Variants in LOXHD1 observed in about 807,000 individuals in gnomAD.
LOXHD1 encodes lipoxygenase homology PLAT domains 1, also known as lipoxygenase homology domain-containing protein 1.
In LOXHD1, 205 loss-of-function variants were observed where a neutral mutation model predicts 248.2. The observed-to-expected ratio is 0.83, with a 90% CI of 0.74 to 0.93. The LOEUF is 0.93. Ranked by LOEUF, LOXHD1 falls within the 40% of genes least tolerant of loss-of-function variation. LOXHD1 has a pLI of 0.00. For synonymous variants in LOXHD1, 1,113 were observed against 1,162.8 expected (o/e 0.96, Z 0.87); for missense variants, 2,930 against 2,971.6 (o/e 0.99, Z 0.33).
chr18:46,607,981 T>C (rs1027630462), intron 6 of LOXHD1, among the ~76,000 whole-genome samples: 15 of 131,750 alleles, frequency 1.1e-4, no homozygotes, highest in African/African-American at 3.8e-4. Context: ...GCCCATCAGA[T>C]AGAAAACACA....
chr18:46,518,204 T>C lies in LOXHD1; in HGVS notation c.5324A>G (p.Asp1775Gly). The change falls in exon 34 of 41, where the codon GAC becomes GGC. Residue 1775 changes from aspartate to glycine, a missense_variant. By Grantham distance (94) the Asp-to-Gly change is moderately conservative. Coordinates refer to ENST00000642948, the MANE Select transcript of LOXHD1 (RefSeq NM_001384474.1). ...WTGDVVGGGT[D>G]SNIFMTLYGI... Reference sequence around the variant, plus strand: ...GTAGAGGGTCATGAAGATGTTGGAGTCAGTGCCCCCGCCAACCACATCCCC... The same window carrying C: ...GTAGAGGGTCATGAAGATGTTGGAGCCAGTGCCCCCGCCAACCACATCCCC... 1 of 1,551,502 alleles carries C rather than the reference T, an allele frequency of 6.4e-7. No homozygotes were observed. The highest frequency in any genetic ancestry group is 8.7e-7 in the Non-Finnish European group (1 of 1,146,960).
At chr18:46,642,282 GCA>G (rs1452587213) in intron 2 of LOXHD1, among the ~76,000 whole-genome samples, 4 of 152,226 alleles carry the variant, frequency 2.6e-5, no homozygotes, top group Non-Finnish European at 4.4e-5. Context: ...ACTAAAACAA[GCA>G]CACAGACAAT....
At chr18:46,549,085 T>C (rs1035046187) in intron 21 of LOXHD1, among the ~76,000 whole-genome samples, 24 of 152,194 alleles carry the variant, frequency 1.6e-4, no homozygotes, top group Non-Finnish European at 2.6e-4. Flanking sequence ...CCAGGCCTAC[T>C]GACCCCTGCC....
At position 46,594,327 on chromosome 18, in the gene LOXHD1, T is replaced by G. The variant is rs2038223798; in HGVS notation, c.1270+4A>C. ...CCTCCAGGTTCTGGGTCTCTCTCACTTACTTTTCAGCCGCTTCTTCCTGAG... is the reference window on the plus strand; with the variant it reads ...CCTCCAGGTTCTGGGTCTCTCTCACGTACTTTTCAGCCGCTTCTTCCTGAG... On this transcript the variant is annotated splice_donor_region_variant and intron_variant, in intron 9 of 40. Transcript: ENST00000642948. 1 of 1,551,490 alleles carries G rather than the reference T, an allele frequency of 6.4e-7. No homozygotes were observed. Among genetic ancestry groups the G allele is most frequent in the Admixed American group, 2.0e-5 (1 of 50,990 alleles).
In LOXHD1 at chr18:46,577,841, G is replaced by A. The variant is rs373931588; in HGVS notation, c.1836C>T (p.Val612=). The A allele has an allele frequency of 6.4e-6, 10 of 1,551,706 alleles. No homozygotes were observed. Among genetic ancestry groups the A allele is most frequent in the East Asian group, 2.4e-5 (1 of 40,914 alleles). Reference sequence around the variant, plus strand: ...TCACCCGCCTCACATTCCGCATGGTGACAGACTCGATAGTGAACTCGTCAG... The same window carrying A: ...TCACCCGCCTCACATTCCGCATGGTAACAGACTCGATAGTGAACTCGTCAG... ...GNADEFTIES[V]TMRNVRRVRI... is the part of the protein sequence containing the mutation. Residue 612 remains valine (V), a synonymous_variant, in exon 14 of 41, where the codon GTC becomes GTT. Transcript: ENST00000642948.
At chr18:46,506,120 G>A in intron 36 of LOXHD1, 97 bp from the exon 37 acceptor site, 1 of 1,344,964 alleles carries the variant, frequency 7.4e-7, no homozygotes, top group Admixed American at 2.1e-5. Flanking sequence ...AGGAGTCAGG[G>A]GTACAGGTGG....
chr18:46,477,611 T>TA lies in LOXHD1; in HGVS notation c.6682dup (p.Tyr2228LeufsTer50). The stretch of plus-strand genomic sequence containing the variant: ...CTTCTCCACCAGCCAGCCTGAGCAG[T>TA]AGCCACTGCTGTCGTGCTCCAGGCG... On this transcript the variant is annotated frameshift_variant, in exon 41 of 41. Coordinates refer to ENST00000642948, the MANE Select transcript of LOXHD1 (RefSeq NM_001384474.1). LOFTEE classifies it high-confidence loss of function. The TA allele has an allele frequency of 6.4e-7, 1 of 1,551,754 alleles. No homozygotes were observed.
intron 4 of LOXHD1, among the ~76,000 whole-genome samples, chr18:46,621,817 T>A (rs1599055964): frequency 6.6e-6 from 1 of 152,214 alleles, no homozygotes; most frequent in Non-Finnish European, 1.5e-5. Flanking sequence ...ATAATTCCCA[T>A]GTGAGCCAAA....
chr18:46,562,057 C>G (rs2037540226), intron 18 of LOXHD1, among the ~76,000 whole-genome samples: 1 of 152,228 alleles, frequency 6.6e-6, no homozygotes, highest in South Asian at 2.1e-4. Context: ...GACTCTTGAT[C>G]ATTACAGGGA....
intron 19 of LOXHD1, 31 bp downstream of exon 19, chr18:46,560,052 T>TCCCCAC: frequency 4.5e-6 from 2 of 441,130 alleles, no homozygotes; most frequent in Non-Finnish European, 7.2e-6. Context: ...GGCCACTCCC[T>TCCCCAC]CCCCACCCCC....
chr18:46,533,212 T>C lies in LOXHD1; in HGVS notation c.4325A>G (p.Lys1442Arg). 1 of 1,551,744 alleles carries C rather than the reference T, an allele frequency of 6.4e-7. No homozygotes were observed. The highest frequency in any genetic ancestry group is 8.7e-7 in the Non-Finnish European group (1 of 1,147,012). ...PYDIFTEKYM[K>R]DGSLRQVYKE... ...GTAGACTTGCCGTAAGGACCCATCT[T>C]TCATGTATTTCTCAGTGAAGATGTC... Residue 1442 changes from lysine to arginine, a missense_variant, in exon 28 of 41, where the codon AAA becomes AGA. Physicochemically the swap from Lys to Arg is conservative, Grantham distance 26. Transcript: ENST00000642948.
Position 46,524,597 on chromosome 18 carries a change from T to TA in LOXHD1, c.4744dup (p.Tyr1582LeufsTer14). On this transcript the variant is annotated frameshift_variant, in exon 31 of 41. Transcript: ENST00000642948. LOFTEE classifies it high-confidence loss of function. ...GCAGTTGCTGCTGCGGTCCCCAGTG[T>TA]ACTCCTGTGTGGGAGAGCAGGACTG... 6.4e-7 allele frequency: 1 copy of TA among 1,551,708 alleles called. No homozygotes were observed. Among genetic ancestry groups the TA allele is most frequent in the Non-Finnish European group, 8.7e-7 (1 of 1,146,996 alleles).
At chr18:46,534,548 C>T (rs1424543646) in intron 26 of LOXHD1, 97 bp from the exon 27 acceptor site, 2 of 884,584 alleles carry the variant, frequency 2.3e-6, no homozygotes, top group Non-Finnish European at 3.7e-6. Context: ...CACCCTGAGT[C>T]CCTTTGCATT....
rs566979035 is a variant in LOXHD1 at position 46,512,020 on chromosome 18, T to C, written c.5400-2205A>G. Among the ~76,000 whole-genome samples the C allele has an allele frequency of 1.8e-3, 269 of 152,318 alleles. 1 individual carries two copies. Among genetic ancestry groups the C allele is most frequent in the Middle Eastern group, 3.4e-3 (1 of 294 alleles). On this transcript the variant is annotated intron_variant, in intron 34 of 40. Transcript: ENST00000642948. ...AAACTCCCCTTGATTCTTCCTGAGT[T>C]TGGGTCAAGCTAACTTTGGGAGACA... is the stretch of plus-strand genomic sequence containing the variant.
intron 34 of LOXHD1, among the ~76,000 whole-genome samples, chr18:46,511,187 C>T (rs1479829446): frequency 6.6e-6 from 1 of 152,120 alleles, no homozygotes; most frequent in African/African-American, 2.4e-5. Context: ...CCAGGCTGAA[C>T]CCCAATTAAC....
Position 46,518,214 on chromosome 18 carries a change from C to T in LOXHD1, c.5314G>A (p.Gly1772Arg), listed in dbSNP as rs775186197. Residue 1772 changes from glycine to arginine, a missense_variant, in exon 34 of 41, where the codon GGG (glycine) becomes AGG (arginine). By Grantham distance (125) the Gly-to-Arg change is moderately radical. Transcript: ENST00000642948. ...ATGAAGATGTTGGAGTCAGTGCCCC[C>T]GCCAACCACATCCCCTGTCCACACC... ...MTVWTGDVVG[G>R]GTDSNIFMTL... 58 of 1,551,552 alleles carry T rather than the reference C, an allele frequency of 3.7e-5. No individual in the cohort carries two copies. The highest frequency in any genetic ancestry group is 4.9e-5 in the East Asian group (2 of 40,936).
intron 16 of LOXHD1, among the ~76,000 whole-genome samples, chr18:46,566,906 G>T (rs2037654724): frequency 6.6e-6 from 1 of 152,064 alleles, no homozygotes; most frequent in Non-Finnish European, 1.5e-5. Flanking sequence ...CATCCTGAAG[G>T]TGACAGAATA....
chr18:46,544,549 C>A (rs2036712606), intron 23 of LOXHD1, among the ~76,000 whole-genome samples: 1 of 152,206 alleles, frequency 6.6e-6, no homozygotes, highest in African/African-American at 2.4e-5. Context: ...TATTGAGTGC[C>A]ACTTTGTCCC....
At chr18:46,598,509 T>TA (rs34481424) in intron 8 of LOXHD1, among the ~76,000 whole-genome samples, 54,095 of 147,816 alleles carry the variant, frequency 0.37, 11,097 homozygotes, top group Middle Eastern at 0.51. Flanking sequence ...CTTTGAAAAT[T>TA]AAAAAAAAAA....
Sources: gnomAD v4.1 joint callset for allele counts (sites outside exome capture counted in the v4.1 genomes callset) on GRCh38, gnomAD v4.1.1 for gene constraint, MANE v1.5 for transcripts, NCBI Gene and HGNC (gene_info 2026-07-23, HGNC 2026-07-21) for gene names.